Variants in MTERF4 observed in about 807,000 individuals in gnomAD.
MTERF4 encodes mitochondrial transcription termination factor 4.
A neutral mutation model predicts 22.5 loss-of-function variants in MTERF4; 17 were observed. The observed-to-expected ratio is 0.75, with a 90% confidence interval of 0.52 to 1.13. The LOEUF (loss-of-function observed/expected upper bound fraction) is 1.13. Ranked by LOEUF, MTERF4 falls within the 50% of genes most tolerant of loss-of-function variation. The pLI is 0.00. For missense variants in MTERF4, 420 were observed against 466.8 expected (o/e 0.90, Z 0.92); for synonymous variants, 165 against 175.3 (o/e 0.94, Z 0.47).
intron 1 of MTERF4, among the ~76,000 whole-genome samples, chr2:241,101,622 G>GA (rs1479493510): frequency 1.3e-5 from 2 of 152,160 alleles, no homozygotes; most frequent in East Asian, 3.8e-4. Context: ...CCTCCGCCAG[G>GA]AACACCTGGC....
intron 1 of MTERF4, among the ~76,000 whole-genome samples, chr2:241,100,924 T>C (rs1441757266): frequency 6.6e-6 from 1 of 152,142 alleles, no homozygotes; most frequent in Non-Finnish European, 1.5e-5. Context: ...ACAATTCCAG[T>C]TGACCTCAAA....
chr2:241,051,423 G>A, the MTERF4 span: 9 of 283,546 alleles, frequency 3.2e-5, no homozygotes, highest in East Asian at 5.3e-4. This position sits in a 1 kb window ranked among gnomAD's most constrained non-coding sequence, Gnocchi z 4.7. Context: ...TGTGCAGGAG[G>A]GAGGGAGTGC....
At chr2:241,065,420 C>T in the MTERF4 span, 5 of 1,613,124 alleles carry the variant, frequency 3.1e-6, no homozygotes, top group Admixed American at 3.3e-5. Context: ...CGGTCACCTA[C>T]GTCTCCTCCG....
At chr2:241,071,979 G>A (rs760382063), downstream of MTERF4, 12 of 1,015,390 alleles carry the variant, frequency 1.2e-5, no homozygotes, top group East Asian at 5.2e-5. Flanking sequence ...CACCCCCACC[G>A]CCAGCGCAGT....
downstream of MTERF4, among the ~76,000 whole-genome samples, chr2:241,067,539 C>CTCTGCAGCCGTCATGCTCACAGCGGGT (rs1439424219): frequency 1.3e-5 from 2 of 152,202 alleles, no homozygotes; most frequent in African/African-American, 4.8e-5. Flanking sequence ...CCACAGCGGG[C>CTCTGCAGCCGTCATGCTCACAGCGGGT]TCTGCAGCCG....
At chr2:241,052,397 C>CCTG in the MTERF4 span, 1 of 1,596,070 alleles carries the variant, frequency 6.3e-7, no homozygotes, top group Non-Finnish European at 8.5e-7. Context: ...AATGGGGGCA[C>CCTG]CTGCGAGGAC....
chr2:241,069,833 G>A (rs1316487096), downstream of MTERF4: 3 of 1,465,738 alleles, frequency 2.0e-6, no homozygotes, highest in Admixed American at 3.8e-5. This position sits in a 1 kb window ranked among gnomAD's most constrained non-coding sequence, Gnocchi z 4.9. Flanking sequence ...CAAGGCTGCG[G>A]CAGCCCATGT....
chr2:241,081,659 C>A (rs777889552), intron 4 of MTERF4: 1 of 1,559,762 alleles, frequency 6.4e-7, no homozygotes, highest in Non-Finnish European at 8.7e-7. Context: ...ACTAACCTCT[C>A]GTGACCTCTG....
the MTERF4 span, among the ~76,000 whole-genome samples, chr2:241,054,376 A>G: frequency 3.3e-5 from 5 of 152,182 alleles, no homozygotes; most frequent in Admixed American, 3.3e-4. Flanking sequence ...AAGACCAGCA[A>G]GGGCAACATA....
At chr2:241,056,817 G>A in the MTERF4 span, among the ~76,000 whole-genome samples, 1,521 of 151,656 alleles carry the variant, frequency 0.01, 10 homozygotes, top group Middle Eastern at 0.024. Flanking sequence ...TCCTGACCTC[G>A]TGATCCACCC....
the MTERF4 span, chr2:241,064,876 G>A: frequency 1.9e-6 from 3 of 1,589,718 alleles, no homozygotes; most frequent in Admixed American, 1.9e-5. This position sits in a 1 kb window ranked among gnomAD's most constrained non-coding sequence, Gnocchi z 7.0. Context: ...CCCCTGTGGG[G>A]GCCGTGGCTA....
downstream of MTERF4, among the ~76,000 whole-genome samples, chr2:241,068,124 C>G (rs927955539): frequency 6.6e-6 from 1 of 152,154 alleles, no homozygotes; most frequent in African/African-American, 2.4e-5. This position sits in a 1 kb window ranked among gnomAD's most constrained non-coding sequence, Gnocchi z 5.3. Flanking sequence ...AGGCTTCACT[C>G]CCGCCTCACC....
At chr2:241,086,041 T>C (rs2063558680), downstream of MTERF4, among the ~76,000 whole-genome samples, 1 of 151,942 alleles carries the variant, frequency 6.6e-6, no homozygotes. Context: ...CTAATTTTTG[T>C]ATTTTAGTAG....
chr2:241,086,392 C>G (rs992313937), downstream of MTERF4, among the ~76,000 whole-genome samples: 1 of 152,202 alleles, frequency 6.6e-6, no homozygotes, highest in Non-Finnish European at 1.5e-5. Flanking sequence ...CCAGCTGCCT[C>G]TGTCTCCCCA....
At chr2:241,059,612 A>G in the MTERF4 span, among the ~76,000 whole-genome samples, 4 of 151,786 alleles carry the variant, frequency 2.6e-5, no homozygotes, top group Non-Finnish European at 4.4e-5. Context: ...TTTCTCAAGG[A>G]CACAGGTTGG....
chr2:241,053,336 T>A, the MTERF4 span: 1 of 1,555,840 alleles, frequency 6.4e-7, no homozygotes, highest in Non-Finnish European at 8.7e-7. Context: ...GGTGATTCTG[T>A]GGGCCCTTGG....
At chr2:241,084,261 C>T (rs191062433), downstream of MTERF4, among the ~76,000 whole-genome samples, 180 of 152,000 alleles carry the variant, frequency 1.2e-3, no homozygotes, top group African/African-American at 3.8e-3. Flanking sequence ...CTCAGCCCCC[C>T]GAGTAGCTGG....
the MTERF4 span, chr2:241,053,466 C>G: frequency 1.2e-6 from 1 of 851,128 alleles, no homozygotes; most frequent in Non-Finnish European, 1.8e-6. Flanking sequence ...CCCTCAGTCT[C>G]CTGTCTGTGA....
At chr2:241,054,067 G>A in the MTERF4 span, among the ~76,000 whole-genome samples, 3 of 152,136 alleles carry the variant, frequency 2.0e-5, no homozygotes, top group Admixed American at 6.5e-5. Flanking sequence ...GCCAACCTGC[G>A]TGGTCTCAGG....
Sources: gnomAD v4.1 joint callset for allele counts (sites outside exome capture counted in the v4.1 genomes callset) on GRCh38, gnomAD v4.1.1 for gene constraint, Gnocchi (gnomAD v3.1) non-coding constraint, MANE v1.5 for transcripts, NCBI Gene and HGNC (gene_info 2026-07-23, HGNC 2026-07-21) for gene names.